Variants in C12orf42 observed in about 807,000 individuals in gnomAD.
C12orf42 encodes the protein chromosome 12 open reading frame 42, also known as uncharacterized protein C12orf42.
A neutral mutation model predicts 21.6 loss-of-function variants in C12orf42; 25 were observed. The observed-to-expected ratio is 1.16, with a 90% CI of 0.84 to 1.62. The LOEUF (loss-of-function observed/expected upper bound fraction) is 1.62, where lower values mean the gene tolerates loss of function less well. Among genes scored for constraint, C12orf42 ranks in the 40% most tolerant of loss-of-function variants. C12orf42 has a pLI of 0.00. For synonymous variants in C12orf42, 174 were observed against 175.0 expected (o/e 0.99, Z 0.05); for missense variants, 483 against 459.3 (o/e 1.05, Z -0.47).
the C12orf42 span, among the ~76,000 whole-genome samples, chr12:103,230,136 A>T: frequency 1.3e-5 from 2 of 151,366 alleles, no homozygotes; most frequent in African/African-American, 4.9e-5. Flanking sequence ...ACACACAATT[A>T]TTATCTCACA....
At chr12:103,486,308 T>A (rs1017643302) in intron 1 of C12orf42, among the ~76,000 whole-genome samples, 1 of 152,246 alleles carries the variant, frequency 6.6e-6, no homozygotes, top group Non-Finnish European at 1.5e-5. Flanking sequence ...CAGCCTTGCA[T>A]CCCAGTGATG....
At chr12:103,176,762 G>A in the C12orf42 span, among the ~76,000 whole-genome samples, 1 of 152,274 alleles carries the variant, frequency 6.6e-6, no homozygotes, top group African/African-American at 2.4e-5. Context: ...TCAAAACAAA[G>A]TCCAATCTGG....
chr12:103,149,481 A>T, the C12orf42 span, among the ~76,000 whole-genome samples: 3 of 152,216 alleles, frequency 2.0e-5, no homozygotes, highest in East Asian at 5.8e-4. Context: ...GAACTAACCT[A>T]GTGATATGGT....
chr12:103,159,811 A>G, the C12orf42 span, among the ~76,000 whole-genome samples: 1 of 152,324 alleles, frequency 6.6e-6, no homozygotes, highest in East Asian at 1.9e-4. Flanking sequence ...CTCTTTGAAG[A>G]CAGGGACCCC....
rs553486110 is a variant in C12orf42 at position 103,356,742 on chromosome 12, T to C, written c.259+12145A>G. ...CTAACTGGTGTGAGATGGTATCTCA[T>C]TGTGCTTTTGATTTGCATTTCTCTG... is the stretch of plus-strand genomic sequence containing the variant. On this transcript the variant is annotated intron_variant, in intron 4 of 5. Coordinates refer to ENST00000548883, the MANE Select transcript of C12orf42 (RefSeq NM_198521.5). Among the ~76,000 whole-genome samples the C allele has an allele frequency of 5.3e-4, 80 of 152,166 alleles. No individual in the cohort carries two copies. The East Asian group carries it at 0.013, about 25-fold the overall frequency.
chr12:103,465,593 C>CT (rs1435179162), intron 2 of C12orf42, among the ~76,000 whole-genome samples: 1 of 152,130 alleles, frequency 6.6e-6, no homozygotes, highest in Non-Finnish European at 1.5e-5. Context: ...CTATTTCTTT[C>CT]TTTCTCTTGC....
At chr12:103,534,996 C>A in the C12orf42 span, among the ~76,000 whole-genome samples, 1 of 152,206 alleles carries the variant, frequency 6.6e-6, no homozygotes, top group Non-Finnish European at 1.5e-5. Flanking sequence ...CCCTTATTAT[C>A]TCAATCTATG....
the C12orf42 span, among the ~76,000 whole-genome samples, chr12:103,174,526 G>A: frequency 6.6e-6 from 1 of 151,154 alleles, no homozygotes; most frequent in Admixed American, 6.6e-5. Flanking sequence ...ATTGCCCCAG[G>A]TCACACAGCT....
chr12:103,367,639 A>T (rs2044731170), intron 4 of C12orf42, among the ~76,000 whole-genome samples: 2 of 152,058 alleles, frequency 1.3e-5, no homozygotes, highest in East Asian at 1.9e-4. Context: ...AAGGATTCTC[A>T]AGAAAACAGT....
chr12:103,150,930 C>T, the C12orf42 span, among the ~76,000 whole-genome samples: 1 of 152,116 alleles, frequency 6.6e-6, no homozygotes, highest in African/African-American at 2.4e-5. Flanking sequence ...TCAATTAAAA[C>T]ATCGGAAGGG....
the C12orf42 span, among the ~76,000 whole-genome samples, chr12:103,206,873 G>T: frequency 1.1e-4 from 17 of 152,154 alleles, no homozygotes; most frequent in African/African-American, 4.1e-4. Flanking sequence ...CGATCTTCCC[G>T]GCTAGAACTG....
At chr12:103,229,661 C>T in the C12orf42 span, among the ~76,000 whole-genome samples, 4 of 152,138 alleles carry the variant, frequency 2.6e-5, no homozygotes, top group Non-Finnish European at 5.9e-5. Context: ...TTTTTATTTT[C>T]CATCCAGACT....
At chr12:103,171,913 G>C in the C12orf42 span, among the ~76,000 whole-genome samples, 1 of 152,110 alleles carries the variant, frequency 6.6e-6, no homozygotes, top group Non-Finnish European at 1.5e-5. Flanking sequence ...GACTAAAGTG[G>C]TGGGGATAAC....
At chr12:103,169,496 G>A in the C12orf42 span, among the ~76,000 whole-genome samples, 2 of 151,964 alleles carry the variant, frequency 1.3e-5, no homozygotes, top group Non-Finnish European at 2.9e-5. Flanking sequence ...AGTAAATGAG[G>A]TACAGAGAAG....
chr12:103,206,231 T>C, the C12orf42 span, among the ~76,000 whole-genome samples: 1 of 152,230 alleles, frequency 6.6e-6, no homozygotes, highest in Admixed American at 6.5e-5. Flanking sequence ...ATGGAACCAC[T>C]GTGAACTGGC....
chr12:103,124,490 G>C, the C12orf42 span, among the ~76,000 whole-genome samples: 1 of 152,122 alleles, frequency 6.6e-6, no homozygotes, highest in Non-Finnish European at 1.5e-5. Flanking sequence ...AGAGATCCTT[G>C]TTCACATGAT....
At chr12:103,116,194 G>A in the C12orf42 span, among the ~76,000 whole-genome samples, 9 of 151,596 alleles carry the variant, frequency 5.9e-5, no homozygotes, top group African/African-American at 9.7e-5. Context: ...AAACCCCGTC[G>A]TCTCTACTAA....
chr12:103,379,879 G>A (rs1184050960), intron 3 of C12orf42, among the ~76,000 whole-genome samples: 3 of 152,184 alleles, frequency 2.0e-5, no homozygotes, highest in African/African-American at 7.2e-5. Flanking sequence ...CACAGACAGT[G>A]GGTAGCATTG....
intron 4 of C12orf42, among the ~76,000 whole-genome samples, chr12:103,363,778 T>C (rs979866450): frequency 4.6e-5 from 7 of 152,112 alleles, no homozygotes; most frequent in African/African-American, 1.7e-4. Flanking sequence ...AAAGGTCTTA[T>C]CCAACAGGAA....
Sources: allele counts gnomAD v4.1 joint callset (sites outside exome capture counted in the v4.1 genomes callset), GRCh38; gene constraint gnomAD v4.1.1; transcripts MANE v1.5; gene names NCBI Gene and HGNC (gene_info 2026-07-23, HGNC 2026-07-21).